The following ANKRD11 variants were observed in gnomAD, a reference collection of about 807,000 sequenced individuals.
The protein encoded by ANKRD11 is ankyrin repeat domain 11.
In ANKRD11, 17 loss-of-function variants were observed where a neutral mutation model predicts 195.7. That is an observed-to-expected ratio of 0.09 (90% CI 0.06 to 0.13). The LOEUF (loss-of-function observed/expected upper bound fraction) is 0.13, where lower values mean the gene tolerates loss of function less well. Among genes scored for constraint, ANKRD11 ranks in the 10% least tolerant of loss-of-function variants. ANKRD11 has a pLI of 1.00. For missense variants in ANKRD11, 3,735 were observed against 3,566.1 expected, an observed-to-expected ratio of 1.05 and a Z score of -1.21; for synonymous variants, 1,953 against 1,528.1, an observed-to-expected ratio of 1.28 and a Z score of -6.49.
chr16:89,453,805 A>G (rs1331388101), intron 1 of ANKRD11, among the ~76,000 whole-genome samples: 1 of 152,190 alleles, frequency 6.6e-6, no homozygotes, highest in African/African-American at 2.4e-5. Context: ...GAAGTAAAAC[A>G]TGACTGGAGA....
chr16:89,355,512 C>A (rs1265293840), intron 2 of ANKRD11, among the ~76,000 whole-genome samples: 5 of 152,148 alleles, frequency 3.3e-5, no homozygotes, highest in Admixed American at 6.5e-5. Flanking sequence ...GTGAACGTGG[C>A]CCCATGTCCG....
At chr16:89,431,129 T>C (rs2042959384) in intron 1 of ANKRD11, 1 of 152,180 alleles carries the variant, frequency 6.6e-6, no homozygotes, top group African/African-American at 2.4e-5. Context: ...AGTTTCCACA[T>C]AAAACCTGCC....
chr16:89,383,735 G>A (rs1361125614), intron 2 of ANKRD11, among the ~76,000 whole-genome samples: 1 of 151,648 alleles, frequency 6.6e-6, no homozygotes, highest in Non-Finnish European at 1.5e-5. Context: ...TCCAGCCCCT[G>A]CACTCGGACC....
chr16:89,343,976 C>G (rs979234866), intron 2 of ANKRD11, among the ~76,000 whole-genome samples: 5 of 152,174 alleles, frequency 3.3e-5, no homozygotes, highest in Non-Finnish European at 7.4e-5. Context: ...CAGCTCTGAC[C>G]GACTGAACCC....
At chr16:89,295,225 G>C (rs966116812) in intron 4 of ANKRD11, among the ~76,000 whole-genome samples, 7 of 152,222 alleles carry the variant, frequency 4.6e-5, no homozygotes, top group Non-Finnish European at 1.0e-4. Context: ...TGCAGGCTCT[G>C]AGGGCTTTGT....
chr16:89,412,514 T>C (rs910064763), intron 2 of ANKRD11: 1 of 152,268 alleles, frequency 6.6e-6, no homozygotes, highest in African/African-American at 2.4e-5. Flanking sequence ...CAATGATGTA[T>C]TAAGACACGC....
intron 4 of ANKRD11, among the ~76,000 whole-genome samples, chr16:89,302,115 C>T (rs1287495463): frequency 6.6e-6 from 1 of 152,210 alleles, no homozygotes; most frequent in South Asian, 2.1e-4. Flanking sequence ...TGCTGGTGTG[C>T]GCCTCTCCCT....
intron 2 of ANKRD11, chr16:89,323,189 A>T: frequency 1.5e-6 from 1 of 674,668 alleles, no homozygotes; most frequent in Non-Finnish European, 2.3e-6. Flanking sequence ...TGCACACCTC[A>T]CAGGGAGAGA....
chr16:89,404,200 G>T (rs1022226106), intron 2 of ANKRD11, among the ~76,000 whole-genome samples: 2 of 152,160 alleles, frequency 1.3e-5, no homozygotes, highest in African/African-American at 2.4e-5. Flanking sequence ...AGGCAGCATG[G>T]GGTTGAGAGG....
At chr16:89,362,865 T>C (rs1390609333) in intron 2 of ANKRD11, among the ~76,000 whole-genome samples, 4 of 152,106 alleles carry the variant, frequency 2.6e-5, no homozygotes, top group African/African-American at 9.7e-5. Flanking sequence ...TGCCTTTGCC[T>C]CTTTTAAAAA....
chr16:89,329,502 C>T (rs1398337376), intron 2 of ANKRD11, among the ~76,000 whole-genome samples: 2 of 152,042 alleles, frequency 1.3e-5, no homozygotes, highest in African/African-American at 2.4e-5. Context: ...TATACGTTTC[C>T]CAAAACCCAC....
intron 1 of ANKRD11, among the ~76,000 whole-genome samples, chr16:89,455,087 G>C (rs1453833026): frequency 1.2e-5 from 1 of 80,930 alleles, no homozygotes; most frequent in Admixed American, 1.3e-4. Context: ...GTGCTTCTAG[G>C]GTTCCTCAAG....
At chr16:89,275,672 G>A (rs2033592396) in intron 9 of ANKRD11, among the ~76,000 whole-genome samples, 1 of 152,118 alleles carries the variant, frequency 6.6e-6, no homozygotes, top group South Asian at 2.1e-4. Context: ...GTCTTGCAGT[G>A]GCTCGGGGGA....
chr16:89,270,885 C>T lies in ANKRD11; in HGVS notation c.7738G>A (p.Asp2580Asn), dbSNP rs1335837964. The T allele has an allele frequency of 4.3e-6, 7 of 1,613,846 alleles. No individual in the cohort carries two copies. The highest frequency in any genetic ancestry group is 2.2e-5 in the East Asian group (1 of 44,884). Residue 2580 changes from aspartate to asparagine, a missense_variant, in exon 12 of 13, where the codon GAC (aspartate) becomes AAC (asparagine). Asp to Asn is a conservative substitution (Grantham distance 23, BLOSUM62 1). Transcript: ENST00000301030. ...ATGAACTGGCGGGCGTTGAAACGGT[C>T]GCGCACTGACTTGTTCTCGTCACCC... ...SQGDENKSVR[D>N]RFNARQFISW...
intron 1 of ANKRD11, among the ~76,000 whole-genome samples, chr16:89,432,323 C>T (rs1440627386): frequency 6.6e-6 from 1 of 151,864 alleles, no homozygotes; most frequent in Non-Finnish European, 1.5e-5. Context: ...TCCACTCCTA[C>T]ATGGGACACA....
At chr16:89,481,928 A>G (rs993046904) in intron 1 of ANKRD11, among the ~76,000 whole-genome samples, 2 of 152,160 alleles carry the variant, frequency 1.3e-5, no homozygotes, top group African/African-American at 2.4e-5. Flanking sequence ...GTTAAAAAAA[A>G]AAAAAATAGC....
intron 1 of ANKRD11, among the ~76,000 whole-genome samples, chr16:89,455,841 C>T (rs1190887024): frequency 2.0e-5 from 3 of 152,144 alleles, no homozygotes; most frequent in Admixed American, 6.6e-5. Flanking sequence ...AAGGTAAACA[C>T]AGAACTATGA....
intron 1 of ANKRD11, among the ~76,000 whole-genome samples, chr16:89,456,188 C>A (rs910848953): frequency 1.3e-5 from 2 of 150,336 alleles, no homozygotes; most frequent in Admixed American, 1.3e-4. Context: ...TGCAGTGAAC[C>A]GAGATTGTGC....
chr16:89,385,633 T>C (rs2040875023), intron 2 of ANKRD11, among the ~76,000 whole-genome samples: 2 of 152,212 alleles, frequency 1.3e-5, no homozygotes. Flanking sequence ...CGATGATGCA[T>C]TTCCACATTT....
Sources: allele counts gnomAD v4.1 joint callset (sites outside exome capture counted in the v4.1 genomes callset), GRCh38; gene constraint gnomAD v4.1.1; transcripts MANE v1.5; gene names NCBI Gene and HGNC (gene_info 2026-07-23, HGNC 2026-07-21).